CACNA1A: variants seen among roughly 807,000 people sequenced by gnomAD.
The protein encoded by CACNA1A is voltage-dependent P/Q-type calcium channel subunit alpha-1A.
CACNA1A carries 57 observed loss-of-function variants against 262.4 expected under a neutral mutation model. The ratio of observed to expected loss-of-function variants is 0.22; its 90% CI spans 0.18 to 0.27. The LOEUF (loss-of-function observed/expected upper bound fraction) is 0.27, where lower values mean the gene tolerates loss of function less well. Among genes scored for constraint, CACNA1A ranks in the 10% least tolerant of loss-of-function variants. The probability of loss-of-function intolerance (pLI) is 1.00; values close to 1 mark genes in which losing one functional copy is unlikely to be tolerated. For synonymous variants in CACNA1A, 1,431 were observed against 1,419.3 expected (o/e 1.01, Z -0.18); for missense variants, 2,526 against 3,562.8 (o/e 0.71, Z 7.41).
intron 34 of CACNA1A, among the ~76,000 whole-genome samples, chr19:13,234,209 G>A (rs1177662229): frequency 6.6e-6 from 1 of 150,806 alleles, no homozygotes; most frequent in Non-Finnish European, 1.5e-5. Flanking sequence ...AATTATCTGG[G>A]CGTGGTGGCG....
At chr19:13,330,023 G>A (rs771948944) in intron 10 of CACNA1A, among the ~76,000 whole-genome samples, 5 of 152,140 alleles carry the variant, frequency 3.3e-5, no homozygotes, top group Non-Finnish European at 7.4e-5. Context: ...CATGCTTCAT[G>A]GGGATCATTT....
chr19:13,292,586 G>A (rs1390912688), intron 19 of CACNA1A, among the ~76,000 whole-genome samples: 1 of 151,890 alleles, frequency 6.6e-6, no homozygotes, highest in Non-Finnish European at 1.5e-5. Context: ...TGTACTCCGG[G>A]GCCTGGATGA....
At chr19:13,378,435 C>G (rs546876315) in intron 3 of CACNA1A, among the ~76,000 whole-genome samples, 1 of 152,228 alleles carries the variant, frequency 6.6e-6, no homozygotes. Flanking sequence ...ACAAGCATCT[C>G]ATGCTAGAGA....
intron 3 of CACNA1A, among the ~76,000 whole-genome samples, chr19:13,392,939 G>T (rs1426034619): frequency 6.6e-6 from 1 of 152,110 alleles, no homozygotes; most frequent in African/African-American, 2.4e-5. Context: ...GCGGAGACGG[G>T]GTTTTGCCAT....
intron 1 of CACNA1A, among the ~76,000 whole-genome samples, chr19:13,487,894 C>T (rs899678652): frequency 2.0e-5 from 3 of 151,878 alleles, no homozygotes; most frequent in Admixed American, 6.6e-5. Context: ...CAGCCTTGAA[C>T]TCCTGGGCTC....
At position 13,490,913 on chromosome 19, in the gene CACNA1A, AAGGG is replaced by A. The variant is rs1206718132; in HGVS notation, c.293+15015_293+15018del. The stretch of plus-strand genomic sequence containing the variant: ...GGAAAGGAGTAAGGAAGGAAGAAGG[AAGGG>A]AGGGAGGGAGGGAAAGAGAAAGGAA... On this transcript the variant is annotated intron_variant, in intron 1 of 46. Transcript: ENST00000360228. Among the ~76,000 whole-genome samples the A allele has an allele frequency of 1.7e-4, 23 of 133,014 alleles. 1 individual carries two copies. Among genetic ancestry groups the A allele is most frequent in the Admixed American group, 5.3e-4 (7 of 13,190 alleles). 87.3% of individuals were successfully genotyped at this position (133,014 alleles called of 152,430 possible).
intron 3 of CACNA1A, among the ~76,000 whole-genome samples, chr19:13,411,865 C>T (rs1005412357): frequency 6.6e-6 from 1 of 152,066 alleles, no homozygotes; most frequent in African/African-American, 2.4e-5. Flanking sequence ...GGACACATCA[C>T]CCTGCCTGGC....
intron 21 of CACNA1A, chr19:13,284,120 G>A (rs1031649125): frequency 1.3e-5 from 2 of 151,074 alleles, no homozygotes; most frequent in African/African-American, 2.4e-5. Context: ...CCAGTGTCTG[G>A]GCTCAAACTC....
rs928893502 is a variant in CACNA1A at position 13,206,837 on chromosome 19, G to C, written c.*476C>G. 1 of 154,026 alleles carries C rather than the reference G, an allele frequency of 6.5e-6. No individual in the cohort carries two copies. Among genetic ancestry groups the C allele is most frequent in the African/African-American group, 2.4e-5 (1 of 41,084 alleles). The allele number at this position is 154,026 out of a possible 1,614,324, so 9.5% of individuals were successfully genotyped here. On this transcript the variant is annotated 3_prime_UTR_variant, in exon 47 of 47. Transcript: ENST00000360228. ...TCTGGTTCCTTCTGGCTTCTTTGCCGCACTCGGCCACCAGCTGTCTTCATC... is the reference window on the plus strand; with the variant it reads ...TCTGGTTCCTTCTGGCTTCTTTGCCCCACTCGGCCACCAGCTGTCTTCATC...
chr19:13,229,748 G>A (rs2055596648), intron 36 of CACNA1A: 1 of 202,422 alleles, frequency 4.9e-6, no homozygotes, highest in Non-Finnish European at 1.0e-5. Context: ...TTTCTCCCTG[G>A]AGCCTGGCTA....
At chr19:13,353,999 C>T (rs1321923082) in intron 6 of CACNA1A, among the ~76,000 whole-genome samples, 2 of 152,110 alleles carry the variant, frequency 1.3e-5, no homozygotes, top group Non-Finnish European at 2.9e-5. Context: ...TCATGTTTAC[C>T]ATTTGCATCT....
At chr19:13,320,619 G>T (rs1404036380) in intron 10 of CACNA1A, among the ~76,000 whole-genome samples, 1 of 152,164 alleles carries the variant, frequency 6.6e-6, no homozygotes, top group Non-Finnish European at 1.5e-5. Flanking sequence ...TGGTAAGGGA[G>T]AGGGAAATGA....
intron 10 of CACNA1A, among the ~76,000 whole-genome samples, chr19:13,325,821 G>C (rs1276975007): frequency 6.6e-6 from 1 of 152,122 alleles, no homozygotes; most frequent in Non-Finnish European, 1.5e-5. Flanking sequence ...ATGATATTTT[G>C]ACCATATGTA....
At chr19:13,470,823 G>A (rs1412278684) in intron 1 of CACNA1A, among the ~76,000 whole-genome samples, 1 of 152,214 alleles carries the variant, frequency 6.6e-6, no homozygotes, top group African/African-American at 2.4e-5. Flanking sequence ...CTGCTACAGT[G>A]TGTGGTCTTA....
intron 3 of CACNA1A, among the ~76,000 whole-genome samples, chr19:13,405,548 A>G (rs964399499): frequency 3.3e-5 from 5 of 152,100 alleles, no homozygotes; most frequent in Non-Finnish European, 4.4e-5. Flanking sequence ...ACAGTCTGTA[A>G]TATTTCTTGA....
chr19:13,416,808 C>T (rs2060230413), intron 3 of CACNA1A, among the ~76,000 whole-genome samples: 2 of 151,952 alleles, frequency 1.3e-5, no homozygotes, highest in African/African-American at 2.4e-5. Flanking sequence ...GTGCTACACT[C>T]CATCTCAAAA....
chr19:13,271,283 C>G (rs1039221800), intron 24 of CACNA1A: 6 of 133,118 alleles, frequency 4.5e-5, no homozygotes, highest in African/African-American at 1.7e-4. Context: ...TGCAGTGGCA[C>G]AATCTTGGCT....
intron 1 of CACNA1A, among the ~76,000 whole-genome samples, chr19:13,472,379 A>G (rs1300373179): frequency 2.0e-5 from 3 of 152,160 alleles, no homozygotes; most frequent in Admixed American, 2.0e-4. Flanking sequence ...AAAGTAAAGC[A>G]GTTCTGTCCC....
At chr19:13,227,849 G>A (rs2055519326) in intron 36 of CACNA1A, among the ~76,000 whole-genome samples, 1 of 151,740 alleles carries the variant, frequency 6.6e-6, no homozygotes, top group South Asian at 2.1e-4. Context: ...GGGATGCGGA[G>A]GGGAGGGAGA....
Sources: gnomAD v4.1 joint callset for allele counts (sites outside exome capture counted in the v4.1 genomes callset) on GRCh38, gnomAD v4.1.1 for gene constraint, MANE v1.5 for transcripts, NCBI Gene and HGNC (gene_info 2026-07-23, HGNC 2026-07-21) for gene names.